The following AHCYL2 variants were observed in gnomAD, a reference collection of about 807,000 sequenced individuals.
The protein encoded by AHCYL2 is S-adenosylhomocysteine hydrolase-like protein 2.
AHCYL2 carries 28 observed loss-of-function variants against 81.4 expected under a neutral mutation model. The observed-to-expected ratio is 0.34, with a 90% confidence interval of 0.25 to 0.47. The LOEUF is 0.47. Among genes scored for constraint, AHCYL2 ranks in the 20% least tolerant of loss-of-function variants. The pLI, the probability that AHCYL2 is intolerant of heterozygous loss-of-function variation, is 1.00. For missense variants in AHCYL2, 551 were observed against 785.1 expected, an observed-to-expected ratio of 0.70 and a Z score of 3.56; for synonymous variants, 272 against 290.2, an observed-to-expected ratio of 0.94 and a Z score of 0.64.
chr7:129,360,040 T>C (rs1340190764), intron 1 of AHCYL2, among the ~76,000 whole-genome samples: 1 of 152,166 alleles, frequency 6.6e-6, no homozygotes, highest in Non-Finnish European at 1.5e-5. Flanking sequence ...TCCTTCCTTT[T>C]ACTCTTCAGC....
At chr7:129,367,961 C>G (rs549948804) in intron 1 of AHCYL2, among the ~76,000 whole-genome samples, 44 of 152,302 alleles carry the variant, frequency 2.9e-4, no homozygotes, top group Admixed American at 4.6e-4. Context: ...GCCCTAGGAG[C>G]TCTTGATTTC....
intron 1 of AHCYL2, among the ~76,000 whole-genome samples, chr7:129,357,933 CAAAAA>C (rs1231126390): frequency 3.6e-5 from 3 of 83,378 alleles, no homozygotes; most frequent in Non-Finnish European, 7.4e-5. Context: ...GACTCCATCT[CAAAAA>C]AAAAAAAAAA....
chr7:129,403,393 A>C lies in AHCYL2; in HGVS notation c.933A>C (p.Gly311=), dbSNP rs576566297. Residue 311 remains glycine (G), a synonymous_variant, in exon 7 of 17, where the codon GGA becomes GGC. Transcript: ENST00000325006. ...TACTATTGCAGATCTTGGATGATGG[A>C]GGGGATCTTACCCACTGGATTTATA... ...GWQPNMILDD[G]GDLTHWIYKK... is the part of the protein sequence containing the mutation. 21 of 1,607,542 alleles carry C rather than the reference A, an allele frequency of 1.3e-5. No homozygotes were observed. In the East Asian group the frequency reaches 4.7e-4, roughly 36 times the overall value.
At chr7:129,396,268 G>A (rs559806001) in intron 4 of AHCYL2, among the ~76,000 whole-genome samples, 9 of 144,802 alleles carry the variant, frequency 6.2e-5, no homozygotes, top group African/African-American at 2.3e-4. Context: ...GACTACAGGC[G>A]CCCGCTACCA....
In AHCYL2 at chr7:129,368,397, A is replaced by T; in HGVS notation, c.364-11241A>T. 2 of 1,593,214 alleles carry T rather than the reference A, an allele frequency of 1.3e-6. No homozygotes were observed. Among genetic ancestry groups the T allele is most frequent in the Non-Finnish European group, 1.7e-6 (2 of 1,170,124 alleles). ...TAGCCACTGTGAACTTCTGAATCTC[A>T]CTAGGGTTGGGTCTGCTTTGGGGCA... On this transcript the variant is annotated intron_variant, in intron 1 of 16. Coordinates refer to ENST00000325006, the MANE Select transcript of AHCYL2 (RefSeq NM_015328.4). This position sits in a 1 kb window ranked among gnomAD's most constrained non-coding sequence, Gnocchi z 4.4.
chr7:129,332,266 T>G (rs1004252597), intron 1 of AHCYL2, among the ~76,000 whole-genome samples: 1 of 152,176 alleles, frequency 6.6e-6, no homozygotes, highest in Non-Finnish European at 1.5e-5. Context: ...TTTTAAGAGA[T>G]ACTCATTTCA....
intron 1 of AHCYL2, among the ~76,000 whole-genome samples, chr7:129,299,227 G>A (rs1431330438): frequency 1.3e-5 from 2 of 149,826 alleles, no homozygotes; most frequent in African/African-American, 4.9e-5. Flanking sequence ...AAGATCGCTT[G>A]AGGCTGGGAG....
intron 1 of AHCYL2, among the ~76,000 whole-genome samples, chr7:129,309,521 C>CA (rs1199314528): frequency 1.3e-5 from 2 of 152,096 alleles, no homozygotes; most frequent in African/African-American, 2.4e-5. Context: ...GCCTGGGCAA[C>CA]AGAGCAAGAC....
chr7:129,320,271 T>A (rs1017610409), intron 1 of AHCYL2, among the ~76,000 whole-genome samples: 2 of 152,230 alleles, frequency 1.3e-5, no homozygotes, highest in Non-Finnish European at 1.5e-5. Flanking sequence ...CATAATATAT[T>A]TTGTAAATAT....
intron 1 of AHCYL2, among the ~76,000 whole-genome samples, chr7:129,272,319 C>A (rs535373624): frequency 7.1e-4 from 108 of 152,252 alleles, no homozygotes; most frequent in African/African-American, 2.4e-3. Context: ...TACCTGAGGC[C>A]CCAGATGTTA....
chr7:129,335,184 C>T (rs1446238431), intron 1 of AHCYL2, among the ~76,000 whole-genome samples: 2 of 151,932 alleles, frequency 1.3e-5, no homozygotes, highest in African/African-American at 4.8e-5. Context: ...CTGGACAACA[C>T]GGTGAAACTC....
intron 1 of AHCYL2, among the ~76,000 whole-genome samples, chr7:129,322,336 T>G (rs1284664007): frequency 6.8e-6 from 1 of 146,654 alleles, no homozygotes; most frequent in Non-Finnish European, 1.5e-5. Flanking sequence ...GGCGTGGTTT[T>G]GCCATGTTGG....
intron 1 of AHCYL2, among the ~76,000 whole-genome samples, chr7:129,330,570 A>G (rs1408215419): frequency 6.7e-6 from 1 of 149,128 alleles, no homozygotes; most frequent in Non-Finnish European, 1.5e-5. Context: ...TCCTGGGTTC[A>G]CGCCATTCTC....
intron 1 of AHCYL2, among the ~76,000 whole-genome samples, chr7:129,320,611 C>T (rs886999855): frequency 4.6e-5 from 7 of 152,130 alleles, no homozygotes; most frequent in Admixed American, 2.6e-4. Context: ...CACGTCTGGC[C>T]TTATCACAGT....
At chr7:129,379,272 T>A in intron 1 of AHCYL2, among the ~76,000 whole-genome samples, 1 of 136,962 alleles carries the variant, frequency 7.3e-6, no homozygotes. Context: ...AGAGTAAAAG[T>A]CCATCTCAAA....
At chr7:129,288,414 G>A (rs931208086) in intron 1 of AHCYL2, among the ~76,000 whole-genome samples, 3 of 152,042 alleles carry the variant, frequency 2.0e-5, no homozygotes, top group Admixed American at 6.5e-5. Flanking sequence ...AGGCTGGAGT[G>A]CAGTGGCGTG....
At chr7:129,258,363 C>T (rs967254069) in intron 1 of AHCYL2, among the ~76,000 whole-genome samples, 14 of 151,524 alleles carry the variant, frequency 9.2e-5, no homozygotes, top group Admixed American at 3.9e-4. Flanking sequence ...TTAGGTACTA[C>T]GTGTATACCA....
chr7:129,283,193 C>G (rs1193602917), intron 1 of AHCYL2, among the ~76,000 whole-genome samples: 1 of 152,174 alleles, frequency 6.6e-6, no homozygotes. Context: ...TTCCCAGACT[C>G]TCAGCTCAAT....
Position 129,413,629 on chromosome 7 carries a change from C to T in AHCYL2, c.1402C>T (p.Arg468Cys), listed in dbSNP as rs1796703646. Residue 468 changes from arginine (R) to cysteine (C), a missense_variant, in exon 12 of 17, where the codon CGT (arginine) becomes TGT (cysteine). Transcript: ENST00000325006. ...TGTGGTAACCAGAGAGCACTTGGAC[C>T]GTATGAAGAATAGCTGCATCGTTTG... ...KNVVTREHLD[R>C]MKNSCIVCNM... 1.9e-5 allele frequency: 30 copies of T among 1,614,002 alleles called. No individual in the cohort carries two copies. Among genetic ancestry groups the T allele is most frequent in the Non-Finnish European group, 2.5e-5 (30 of 1,180,004 alleles).
Sources: gnomAD v4.1 joint callset for allele counts (sites outside exome capture counted in the v4.1 genomes callset) on GRCh38, gnomAD v4.1.1 for gene constraint, Gnocchi (gnomAD v3.1) non-coding constraint, MANE v1.5 for transcripts, NCBI Gene and HGNC (gene_info 2026-07-23, HGNC 2026-07-21) for gene names.